The following MYH9 variants were observed in gnomAD, a reference collection of about 807,000 sequenced individuals.
The protein encoded by MYH9 is myosin-9.
In MYH9, 29 loss-of-function variants were observed where a neutral mutation model predicts 241.9. The ratio of observed to expected loss-of-function variants is 0.12; its 90% CI spans 0.09 to 0.16. The LOEUF is 0.16. Ranked by LOEUF, MYH9 falls within the 10% of genes least tolerant of loss-of-function variation. The pLI is 1.00. For missense variants in MYH9, 1,803 were observed against 2,595.5 expected, an observed-to-expected ratio of 0.69 and a Z score of 6.63; for synonymous variants, 1,047 against 1,062.6, an observed-to-expected ratio of 0.99 and a Z score of 0.29.
In MYH9 at chr22:36,364,042, C is replaced by T. The variant is rs144354233; in HGVS notation, c.-19-14787G>A. Among the ~76,000 whole-genome samples the T allele has an allele frequency of 7.5e-3, 1,142 of 152,300 alleles. 9 individuals carry two copies. The highest frequency in any genetic ancestry group is 9.4e-3 in the Non-Finnish European group (642 of 68,012). ...ACCATACTCAGAAGATGTAATTATA[C>T]GGCCACCGTCTCAGTGGGAAAGTGC... On this transcript the variant is annotated intron_variant, in intron 1 of 40. Coordinates refer to ENST00000216181, the MANE Select transcript of MYH9 (RefSeq NM_002473.6).
intron 1 of MYH9, among the ~76,000 whole-genome samples, chr22:36,354,011 C>T (rs993297107): frequency 6.6e-6 from 1 of 152,144 alleles, no homozygotes; most frequent in African/African-American, 2.4e-5. Context: ...AGCGATTCTC[C>T]CACCTCAGCC....
At chr22:36,375,340 C>T (rs2018149406) in intron 1 of MYH9, among the ~76,000 whole-genome samples, 1 of 152,190 alleles carries the variant, frequency 6.6e-6, no homozygotes, top group Non-Finnish European at 1.5e-5. Context: ...TCCCTTAGGA[C>T]CAACCACATT....
intron 31 of MYH9, among the ~76,000 whole-genome samples, chr22:36,291,133 T>G (rs1463158052): frequency 7.0e-6 from 1 of 141,854 alleles, no homozygotes; most frequent in Non-Finnish European, 1.5e-5. Context: ...CCCCTACTGG[T>G]TAGTGAGGAG....
chr22:36,312,672 G>A (rs967607547), intron 13 of MYH9, among the ~76,000 whole-genome samples: 1 of 152,168 alleles, frequency 6.6e-6, no homozygotes, highest in Non-Finnish European at 1.5e-5. Context: ...GATAGTCCCA[G>A]GGACCCAGCA....
rs1285650243 is a variant in MYH9, at chr22:36,302,652, C to A, written c.2415G>T (p.Gln805His). The A allele has an allele frequency of 6.2e-7, 1 of 1,613,166 alleles. No homozygotes were observed. The highest frequency in any genetic ancestry group is 8.5e-7 in the Non-Finnish European group (1 of 1,179,808). The change falls in exon 20 of 41, where the codon CAG becomes CAT. Residue 805 changes from glutamine (Q) to histidine (H), a missense_variant. Around this residue, in one of 11 missense-constraint regions of MYH9, gnomAD observed 72 missense variants for 83.3 expected, o/e 0.86. Transcript: ENST00000216181. ...GCTGGAGGACCTTCATGGCGGTAAG[C>A]TGCTGCTGCCGCTTGGCAAATGCTC... ...ARKAFAKRQQ[Q>H]LTAMKVLQRN...
At chr22:36,321,685 C>T in intron 7 of MYH9, 73 bp downstream of exon 7, 1 of 1,377,498 alleles carries the variant, frequency 7.3e-7, no homozygotes, top group Non-Finnish European at 1.0e-6. Context: ...AATCAGGAGG[C>T]AGCTTCTTCT....
chr22:36,290,675 C>T (rs1022992886), intron 31 of MYH9, among the ~76,000 whole-genome samples: 41 of 150,104 alleles, frequency 2.7e-4, no homozygotes, highest in African/African-American at 9.6e-4. Context: ...TGTCTCTGCC[C>T]GGCCGCCATC....
In MYH9 at chr22:36,384,993, ACT is replaced by A. The variant is rs200884851; in HGVS notation, c.-20+2812_-20+2813del. Among the ~76,000 whole-genome samples the A allele has an allele frequency of 5.0e-3, 757 of 152,026 alleles. 8 individuals carry two copies. Among genetic ancestry groups the A allele is most frequent in the African/African-American group, 0.015 (620 of 41,448 alleles). On this transcript the variant is annotated intron_variant, in intron 1 of 40. Transcript: ENST00000216181. The stretch of plus-strand genomic sequence containing the variant: ...CAAGGGTTAAGGCTGAGAGGCAGTG[ACT>A]CTCTGGGGCTGCACAAAGGGAAATG...
intron 1 of MYH9, among the ~76,000 whole-genome samples, chr22:36,366,519 G>T (rs2146411622): frequency 6.6e-6 from 1 of 152,272 alleles, no homozygotes; most frequent in Admixed American, 6.5e-5. Flanking sequence ...GGGTCACGCG[G>T]CCCCTCCCCC....
At chr22:36,370,675 G>A (rs924502177) in intron 1 of MYH9, among the ~76,000 whole-genome samples, 3 of 152,198 alleles carry the variant, frequency 2.0e-5, no homozygotes, top group Non-Finnish European at 4.4e-5. Flanking sequence ...ACAGAGGGGA[G>A]GAGCCACCTC....
chr22:36,383,664 A>AGG (rs1569537346), intron 1 of MYH9, among the ~76,000 whole-genome samples: 1 of 100,682 alleles, frequency 9.9e-6, no homozygotes, highest in Non-Finnish European at 2.7e-5. Context: ...ATTAAAAAAA[A>AGG]AGGGGGGGGG....
chr22:36,293,308 C>T lies in MYH9; in HGVS notation c.4095+21G>A, dbSNP rs1556630952. ...AGCTCCCCAGCCTGCAGAGTCCGGC[C>T]GGTCCCCCAGGCCTCCAAACCTGGG... On this transcript the variant is annotated intron_variant, in intron 30 of 40. Transcript: ENST00000216181. The surrounding 1 kb of genome is among the most constrained non-coding windows in gnomAD (Gnocchi z 5.1). 74 of 1,613,534 alleles carry T rather than the reference C, an allele frequency of 4.6e-5. 1 individual carries two copies. Among genetic ancestry groups the T allele is most frequent in the African/African-American group, 2.7e-5 (2 of 74,924 alleles).
At chr22:36,360,269 A>G (rs2146405095) in intron 1 of MYH9, among the ~76,000 whole-genome samples, 1 of 152,152 alleles carries the variant, frequency 6.6e-6, no homozygotes, top group South Asian at 2.1e-4. Flanking sequence ...TCCATAGAGG[A>G]CAGTTCTCAG....
chr22:36,345,142 C>A (rs2017656794), intron 2 of MYH9, among the ~76,000 whole-genome samples: 1 of 152,078 alleles, frequency 6.6e-6, no homozygotes, highest in African/African-American at 2.4e-5. Flanking sequence ...GAAACCCCGT[C>A]TCCACTAAAA....
At chr22:36,325,180 G>C in intron 5 of MYH9, 1 of 722,824 alleles carries the variant, frequency 1.4e-6, no homozygotes, top group Non-Finnish European at 2.6e-6. Context: ...GAGAGAGAGA[G>C]ACAGAGAGGG....
Position 36,305,112 on chromosome 22 carries a change from G to A in MYH9, c.2160-10C>T. 1 of 1,611,220 alleles carries A rather than the reference G, an allele frequency of 6.2e-7. No homozygotes were observed. Among genetic ancestry groups the A allele is most frequent in the Non-Finnish European group, 8.5e-7 (1 of 1,177,374 alleles). On this transcript the variant is annotated splice_polypyrimidine_tract_variant and intron_variant, in intron 17 of 40. Transcript: ENST00000216181. The surrounding 1 kb of genome is among the most constrained non-coding windows in gnomAD (Gnocchi z 4.7). The stretch of plus-strand genomic sequence containing the variant: ...AGTCAGGATCTCATATCTGAGGAAG[G>A]AAAGAGAAGCCTGGTCATTTTACCC...
chr22:36,325,920 G>A (rs551295318), intron 5 of MYH9, among the ~76,000 whole-genome samples: 33 of 152,348 alleles, frequency 2.2e-4, no homozygotes, highest in South Asian at 1.2e-3. Context: ...AAAGTGACAA[G>A]TGTGGGGTGA....
At position 36,295,478 on chromosome 22, in the gene MYH9, C is replaced by A. The variant is rs1332850145; in HGVS notation, c.3485+27G>T. ...AGGCCCCCCTGGCTGCCCTCCCCAT[C>A]CCGAGGGACTTGGTCCCAGGGCACA... On this transcript the variant is annotated intron_variant, in intron 26 of 40. Transcript: ENST00000216181. The surrounding 1 kb of genome is among the most constrained non-coding windows in gnomAD (Gnocchi z 4.1). The A allele has an allele frequency of 1.2e-6, 2 of 1,604,774 alleles. No homozygotes were observed. The highest frequency in any genetic ancestry group is 1.7e-6 in the Non-Finnish European group (2 of 1,175,456).
intron 5 of MYH9, among the ~76,000 whole-genome samples, chr22:36,324,282 T>C (rs1225437476): frequency 6.6e-6 from 1 of 152,232 alleles, no homozygotes; most frequent in Non-Finnish European, 1.5e-5. Flanking sequence ...TCTACTGACA[T>C]CTAATTGGGC....
Sources: allele counts gnomAD v4.1 joint callset (sites outside exome capture counted in the v4.1 genomes callset), GRCh38; gene constraint gnomAD v4.1.1; regional missense constraint gnomAD v4.1.1; non-coding constraint Gnocchi (gnomAD v3.1); transcripts MANE v1.5; gene names NCBI Gene and HGNC (gene_info 2026-07-23, HGNC 2026-07-21).